PRKCH: variants seen among roughly 807,000 people sequenced by gnomAD.
PRKCH encodes the protein protein kinase C eta.
In PRKCH, 28 loss-of-function variants were observed where a neutral mutation model predicts 82.5. The ratio of observed to expected loss-of-function variants is 0.34; its 90% CI spans 0.25 to 0.47. The LOEUF (loss-of-function observed/expected upper bound fraction) is 0.47. Ranked by LOEUF, PRKCH falls within the 20% of genes least tolerant of loss-of-function variation. The pLI is 1.00. For synonymous variants in PRKCH, 322 were observed against 327.4 expected (o/e 0.98, Z 0.18); for missense variants, 705 against 881.8 (o/e 0.80, Z 2.54).
Position 61,280,799 on chromosome 14 carries a change from A to G in PRKCH, c.-19+93131A>G. 2 of 1,560,436 alleles carry G rather than the reference A, an allele frequency of 1.3e-6. No homozygotes were observed. Among genetic ancestry groups the G allele is most frequent in the South Asian group, 1.2e-5 (1 of 83,590 alleles). On this transcript the variant is annotated intron_variant, in intron 1 of 3. Transcript: ENST00000555185. The surrounding 1 kb of genome is among the most constrained non-coding windows in gnomAD (Gnocchi z 5.0). The stretch of plus-strand genomic sequence containing the variant: ...CCGTAGCGCCGGTTGTTCTGGTAGA[A>G]GTTGGTCAGCTCGTAGTAGAGGTAC...
intron 1 of PRKCH, among the ~76,000 whole-genome samples, chr14:61,368,934 G>A (rs2046332561): frequency 6.6e-6 from 1 of 151,958 alleles, no homozygotes; most frequent in Non-Finnish European, 1.5e-5. Flanking sequence ...AGAAAGATGT[G>A]GAAGTCTAAT....
intron 1 of PRKCH, among the ~76,000 whole-genome samples, chr14:61,221,082 G>A (rs185257814): frequency 4.6e-4 from 70 of 152,240 alleles, no homozygotes; most frequent in African/African-American, 1.6e-3. Context: ...TGAAAATTTA[G>A]GACAAAGGTG....
intron 2 of PRKCH, among the ~76,000 whole-genome samples, chr14:61,425,186 A>G (rs1284725725): frequency 4.6e-5 from 7 of 152,222 alleles, no homozygotes; most frequent in Non-Finnish European, 1.0e-4. Flanking sequence ...CCACCGTGGC[A>G]CTGCTTAGTT....
At chr14:61,220,626 G>A (rs2044648562) in intron 1 of PRKCH, among the ~76,000 whole-genome samples, 1 of 152,220 alleles carries the variant, frequency 6.6e-6, no homozygotes, top group Non-Finnish European at 1.5e-5. Flanking sequence ...CTCCACACAG[G>A]AGGATATAGT....
chr14:61,275,644 G>T (rs1223003129), intron 1 of PRKCH, among the ~76,000 whole-genome samples: 1 of 152,178 alleles, frequency 6.6e-6, no homozygotes, highest in Non-Finnish European at 1.5e-5. Context: ...CAAAGCCCTT[G>T]TCATCAATGA....
chr14:61,205,765 C>T lies in PRKCH; in HGVS notation c.-19+18097C>T, dbSNP rs115789626. The stretch of plus-strand genomic sequence containing the variant: ...CAACAAGCTAACTAGGAATGGTAGT[C>T]GGTGGTGAATATGCAACATTCCTTG... On this transcript the variant is annotated intron_variant, in intron 1 of 3. Coordinates refer to the PRKCH transcript ENST00000555185. Among the ~76,000 whole-genome samples, 499 of 152,248 alleles carry T rather than the reference C, an allele frequency of 3.3e-3. 4 individuals are homozygous for T. Among genetic ancestry groups the T allele is most frequent in the African/African-American group, 0.012 (488 of 41,550 alleles).
chr14:61,228,066 A>G (rs191110175), intron 1 of PRKCH, among the ~76,000 whole-genome samples: 3 of 152,278 alleles, frequency 2.0e-5, no homozygotes, highest in East Asian at 3.9e-4. Context: ...TCCCAAAGGA[A>G]GGAGGACTCT....
chr14:61,223,029 AT>A (rs926321464), intron 1 of PRKCH, among the ~76,000 whole-genome samples: 2 of 151,918 alleles, frequency 1.3e-5, no homozygotes, highest in African/African-American at 4.8e-5. Flanking sequence ...TCTCACTCTA[AT>A]TTTTGCACCA....
intron 11 of PRKCH, among the ~76,000 whole-genome samples, chr14:61,529,914 ATAT>A (rs796174626): frequency 9.4e-6 from 1 of 106,710 alleles, no homozygotes. Flanking sequence ...ATAAAAAAAA[ATAT>A]ATATATATAT....
intron 11 of PRKCH, 102 bp downstream of exon 11, chr14:61,529,315 C>A: frequency 7.1e-7 from 1 of 1,408,390 alleles, no homozygotes; most frequent in Non-Finnish European, 9.5e-7. Flanking sequence ...TTGGAGGCAG[C>A]ATTGAAAGGT....
At chr14:61,262,924 A>T (rs1309932099) in intron 1 of PRKCH, among the ~76,000 whole-genome samples, 1 of 152,176 alleles carries the variant, frequency 6.6e-6, no homozygotes, top group Middle Eastern at 3.2e-3. Flanking sequence ...TGTGCTAATC[A>T]CTTTAATATA....
chr14:61,365,191 C>T (rs1050770555), intron 1 of PRKCH, among the ~76,000 whole-genome samples: 1 of 152,012 alleles, frequency 6.6e-6, no homozygotes. Context: ...TTTGAGAACA[C>T]AGTAGATAGG....
chr14:61,437,531 A>G (rs142818141), intron 2 of PRKCH, among the ~76,000 whole-genome samples: 250 of 152,350 alleles, frequency 1.6e-3, no homozygotes, highest in Middle Eastern at 0.01. Flanking sequence ...ACAATAGTCA[A>G]CGGAGTCTGG....
At chr14:61,439,740 T>A (rs1015484251) in intron 2 of PRKCH, among the ~76,000 whole-genome samples, 1 of 152,096 alleles carries the variant, frequency 6.6e-6, no homozygotes, top group Non-Finnish European at 1.5e-5. Context: ...AGGTTAAGGC[T>A]AATTTAACTC....
chr14:61,217,747 C>G (rs529617946), intron 1 of PRKCH, among the ~76,000 whole-genome samples: 33 of 152,312 alleles, frequency 2.2e-4, no homozygotes, highest in Middle Eastern at 3.4e-3. Context: ...AAAACATTGT[C>G]CTGTGATACA....
intron 1 of PRKCH, among the ~76,000 whole-genome samples, chr14:61,350,123 G>A (rs1048885628): frequency 4.6e-5 from 7 of 151,992 alleles, no homozygotes; most frequent in Non-Finnish European, 1.0e-4. Flanking sequence ...TTTATATAGT[G>A]CTTTATATGC....
chr14:61,504,251 C>T (rs1034068314), intron 10 of PRKCH, among the ~76,000 whole-genome samples: 4 of 151,928 alleles, frequency 2.6e-5, no homozygotes, highest in African/African-American at 4.8e-5. Flanking sequence ...TGCAGTGGTG[C>T]GATCTCGGCT....
intron 9 of PRKCH, among the ~76,000 whole-genome samples, chr14:61,478,640 G>T (rs948254230): frequency 2.0e-5 from 3 of 152,098 alleles, no homozygotes; most frequent in Non-Finnish European, 4.4e-5. Context: ...GGAGGCCGAG[G>T]TAGGATTGCT....
chr14:61,240,144 CA>C (rs2044824384), intron 1 of PRKCH, among the ~76,000 whole-genome samples: 1 of 151,250 alleles, frequency 6.6e-6, no homozygotes, highest in Non-Finnish European at 1.5e-5. Flanking sequence ...CTTTGTCTCA[CA>C]CTGATAAGAT....
Sources: allele counts gnomAD v4.1 joint callset (sites outside exome capture counted in the v4.1 genomes callset), GRCh38; gene constraint gnomAD v4.1.1; non-coding constraint Gnocchi (gnomAD v3.1); transcripts MANE v1.5; gene names NCBI Gene and HGNC (gene_info 2026-07-23, HGNC 2026-07-21).